ADAM29: variants seen among roughly 807,000 people sequenced by gnomAD.
The protein encoded by ADAM29 is disintegrin and metalloproteinase domain-containing protein 29.
For synonymous variants in ADAM29, 367 were observed against 342.3 expected (o/e 1.07, Z -0.80); for missense variants, 969 against 1,001.8 (o/e 0.97, Z 0.44).
At position 174,977,344 on chromosome 4, in the gene ADAM29, G is replaced by A. The variant is rs766305290; in HGVS notation, c.1819G>A (p.Asp607Asn). Reference sequence around the variant, plus strand: ...GAAAGATGGAACAGAGTGTGGGATAGATCATATATGCATCCACAGGCACTG... The same window carrying A: ...GAAAGATGGAACAGAGTGTGGGATAAATCATATATGCATCCACAGGCACTG... ...EVKDGTECGI[D>N]HICIHRHCVH... Residue 607 changes from aspartate (D) to asparagine (N), a missense_variant, in exon 5 of 5, where the codon GAT becomes AAT. Asp to Asn is a conservative substitution (Grantham distance 23). Transcript: ENST00000359240. 2 of 1,613,428 alleles carry A rather than the reference G, an allele frequency of 1.2e-6. No individual in the cohort carries two copies. Among genetic ancestry groups the A allele is most frequent in the African/African-American group, 2.7e-5 (2 of 74,922 alleles).
chr4:174,938,635 T>C (rs1744332909), intron 4 of ADAM29, among the ~76,000 whole-genome samples: 1 of 152,146 alleles, frequency 6.6e-6, no homozygotes, highest in Admixed American at 6.6e-5. Flanking sequence ...TTTTAAGAGA[T>C]GCTTGTGCCA....
At chr4:174,940,079 TA>T (rs1395438456) in intron 4 of ADAM29, among the ~76,000 whole-genome samples, 1 of 152,056 alleles carries the variant, frequency 6.6e-6, no homozygotes, top group Non-Finnish European at 1.5e-5. Context: ...TTTATATAGT[TA>T]GGGGTATATT....
chr4:174,926,270 A>G (rs77100992), intron 2 of ADAM29, among the ~76,000 whole-genome samples: 3,058 of 152,228 alleles, frequency 0.02, 97 homozygotes, highest in African/African-American at 0.069. Flanking sequence ...TAACGCTTCA[A>G]ATTGATGCTC....
At chr4:174,942,157 C>A (rs148517232) in intron 4 of ADAM29, among the ~76,000 whole-genome samples, 1 of 152,160 alleles carries the variant, frequency 6.6e-6, no homozygotes, top group Non-Finnish European at 1.5e-5. Flanking sequence ...GTCCCCATGA[C>A]GGCTTTCATG....
intron 4 of ADAM29, among the ~76,000 whole-genome samples, chr4:174,957,768 C>T (rs1219172098): frequency 6.6e-6 from 1 of 151,696 alleles, no homozygotes; most frequent in Non-Finnish European, 1.5e-5. Flanking sequence ...TAATATGAAT[C>T]TATCTTTCTA....
intron 4 of ADAM29, among the ~76,000 whole-genome samples, chr4:174,951,934 A>C (rs1745200651): frequency 1.3e-5 from 2 of 152,210 alleles, no homozygotes; most frequent in Admixed American, 6.5e-5. Flanking sequence ...AATTAGTTCA[A>C]GAAATCTATT....
intron 4 of ADAM29, among the ~76,000 whole-genome samples, chr4:174,943,059 C>G (rs187263924): frequency 6.6e-6 from 1 of 152,216 alleles, no homozygotes; most frequent in Non-Finnish European, 1.5e-5. Context: ...TGTTGCCAGT[C>G]GCTTTGCTAA....
At chr4:174,973,799 C>T (rs563978994) in intron 4 of ADAM29, among the ~76,000 whole-genome samples, 2 of 152,168 alleles carry the variant, frequency 1.3e-5, no homozygotes, top group South Asian at 4.1e-4. Context: ...GTCATTGGGC[C>T]ACTTTGACGC....
intron 2 of ADAM29, among the ~76,000 whole-genome samples, chr4:174,923,525 GTATATATATATATA>G (rs58980378): frequency 1.4e-3 from 138 of 96,690 alleles, no homozygotes; most frequent in Non-Finnish European, 2.2e-3. Context: ...TGCATTATAT[GTATATATATATATA>G]TATATATATA....
intron 4 of ADAM29, among the ~76,000 whole-genome samples, chr4:174,942,412 C>G (rs1273431685): frequency 6.6e-6 from 1 of 152,242 alleles, no homozygotes; most frequent in Admixed American, 6.5e-5. Flanking sequence ...TTCCATACAT[C>G]ATTTGAAATC....
intron 4 of ADAM29, among the ~76,000 whole-genome samples, chr4:174,975,087 T>C (rs1253350370): frequency 2.0e-5 from 3 of 152,222 alleles, no homozygotes; most frequent in Non-Finnish European, 4.4e-5. Flanking sequence ...AAGAACTGTA[T>C]AGTGAATCAA....
At chr4:174,972,883 A>G (rs1746548133) in intron 4 of ADAM29, among the ~76,000 whole-genome samples, 1 of 152,084 alleles carries the variant, frequency 6.6e-6, no homozygotes, top group Non-Finnish European at 1.5e-5. Context: ...TCTGCTCTCT[A>G]TGTACTGAGA....
At position 174,976,472 on chromosome 4, in the gene ADAM29, T is replaced by C. The variant is rs934168478; in HGVS notation, c.947T>C (p.Val316Ala). 9 of 1,611,230 alleles carry C rather than the reference T, an allele frequency of 5.6e-6. No individual in the cohort carries two copies. The highest frequency in any genetic ancestry group is 7.6e-6 in the Non-Finnish European group (9 of 1,178,638). The change falls in exon 5 of 5, where the codon GTT becomes GCT. Residue 316 changes from valine to alanine, a missense_variant. Physicochemically the swap from Val to Ala is moderately conservative, Grantham distance 64. Coordinates refer to ENST00000359240, the MANE Select transcript of ADAM29 (RefSeq NM_014269.4). ...ACACCACACCGTAGTTGTGCAATTGTTACTTTCATGAACAAAACTTTGGGC... is the reference window on the plus strand; with the variant it reads ...ACACCACACCGTAGTTGTGCAATTGCTACTTTCATGAACAAAACTTTGGGC... ...MCTPHRSCAI[V>A]TFMNKTLGTF... is the part of the protein sequence containing the mutation.
intron 4 of ADAM29, among the ~76,000 whole-genome samples, chr4:174,947,339 T>C (rs559641079): frequency 6.6e-6 from 1 of 152,258 alleles, no homozygotes; most frequent in East Asian, 1.9e-4. Flanking sequence ...AGATAACATG[T>C]TGGTTGTCAA....
chr4:174,977,179 G>A lies in ADAM29; in HGVS notation c.1654G>A (p.Gly552Arg). 1 of 1,614,076 alleles carries A rather than the reference G, an allele frequency of 6.2e-7. No individual in the cohort carries two copies. The highest frequency in any genetic ancestry group is 8.5e-7 in the Non-Finnish European group (1 of 1,180,026). The change falls in exon 5 of 5, where the codon GGA (glycine) becomes AGA (arginine). Residue 552 changes from glycine (G) to arginine (R), a missense_variant. By Grantham distance (125) the Gly-to-Arg change is moderately radical. Coordinates refer to ENST00000359240, the MANE Select transcript of ADAM29 (RefSeq NM_014269.4). ...GTGTAATATCTCAGATGTCCAGTGT[G>A]GAAGAATTCAGTGTGAGAATGTGAC... ...IKCNISDVQC[G>R]RIQCENVTEI...
At chr4:174,927,428 T>G (rs1743583316) in intron 2 of ADAM29, among the ~76,000 whole-genome samples, 2 of 152,212 alleles carry the variant, frequency 1.3e-5, no homozygotes, top group Admixed American at 6.5e-5. Context: ...CTTTACTATG[T>G]TGAATGTTCT....
chr4:174,961,617 T>C (rs1745826100), intron 4 of ADAM29, among the ~76,000 whole-genome samples: 1 of 152,120 alleles, frequency 6.6e-6, no homozygotes, highest in African/African-American at 2.4e-5. Context: ...ATTACTACAT[T>C]AGATACATTC....
chr4:174,966,983 C>T (rs1396320536), intron 4 of ADAM29, among the ~76,000 whole-genome samples: 3 of 152,086 alleles, frequency 2.0e-5, no homozygotes, highest in East Asian at 1.9e-4. Context: ...CTGCATATAT[C>T]GCCCATCTAA....
At chr4:174,959,149 A>T (rs1745669459) in intron 4 of ADAM29, among the ~76,000 whole-genome samples, 1 of 151,804 alleles carries the variant, frequency 6.6e-6, no homozygotes, top group South Asian at 2.1e-4. Flanking sequence ...CATTTCCTGT[A>T]TGACAGTTCT....
Sources: allele counts gnomAD v4.1 joint callset (sites outside exome capture counted in the v4.1 genomes callset), GRCh38; gene constraint gnomAD v4.1.1; transcripts MANE v1.5; gene names NCBI Gene and HGNC (gene_info 2026-07-23, HGNC 2026-07-21).